Variants in PAQR5 observed in about 807,000 individuals in gnomAD.
The protein encoded by PAQR5 is membrane progestin receptor gamma.
Under a neutral mutation model 34.5 loss-of-function variants are expected in PAQR5, and 20 were observed. The ratio of observed to expected loss-of-function variants is 0.58; its 90% CI spans 0.41 to 0.84. The LOEUF is 0.84. PAQR5 is among the 40% of genes least tolerant of loss of function. The pLI is 0.00. For synonymous variants in PAQR5, 131 were observed against 155.6 expected (o/e 0.84, Z 1.18); for missense variants, 378 against 412.7 (o/e 0.92, Z 0.73).
intron 1 of PAQR5, among the ~76,000 whole-genome samples, chr15:69,328,810 C>A (rs991468552): frequency 1.3e-5 from 2 of 152,212 alleles, no homozygotes; most frequent in African/African-American, 2.4e-5. Flanking sequence ...GGCTGGTTGC[C>A]TTGGGTGCGG....
intron 6 of PAQR5, among the ~76,000 whole-genome samples, chr15:69,395,201 T>C (rs2056385587): frequency 6.6e-6 from 1 of 152,122 alleles, no homozygotes. Flanking sequence ...GTGAGGCAGA[T>C]ACCTGGCTCT....
intron 3 of PAQR5, among the ~76,000 whole-genome samples, chr15:69,364,462 ATATATAT>A (rs1212578052): frequency 2.0e-5 from 3 of 147,862 alleles, no homozygotes; most frequent in African/African-American, 4.9e-5. Context: ...TATACATGTA[ATATATAT>A]TATATATGTA....
At chr15:69,307,169 G>T (rs909182769) in intron 1 of PAQR5, among the ~76,000 whole-genome samples, 1 of 150,854 alleles carries the variant, frequency 6.6e-6, no homozygotes, top group African/African-American at 2.4e-5. Flanking sequence ...ATCTCGGCTT[G>T]TTGCACCCTC....
At chr15:69,316,508 TATTGTGAA>T (rs1446317898) in intron 1 of PAQR5, among the ~76,000 whole-genome samples, 1 of 152,222 alleles carries the variant, frequency 6.6e-6, no homozygotes, top group African/African-American at 2.4e-5. Context: ...TGCATTCAAA[TATTGTGAA>T]ATGTGTTACT....
chr15:69,357,385 T>C (rs1313463630), intron 2 of PAQR5, among the ~76,000 whole-genome samples: 5 of 152,148 alleles, frequency 3.3e-5, no homozygotes, highest in Non-Finnish European at 7.3e-5. Context: ...TGCCTCAGCC[T>C]CCCTGGTAGT....
intron 1 of PAQR5, among the ~76,000 whole-genome samples, chr15:69,330,813 C>G (rs559878741): frequency 5.9e-5 from 9 of 152,288 alleles, no homozygotes; most frequent in Admixed American, 3.9e-4. Flanking sequence ...ATTGCAATTC[C>G]CCTGTCTTGA....
Position 69,405,495 on chromosome 15 carries a change from T to C in PAQR5, c.*1673T>C, listed in dbSNP as rs1416834050. 2.6e-5 allele frequency: 4 copies of C among 152,398 alleles called. No individual in the cohort carries two copies. Among genetic ancestry groups the C allele is most frequent in the African/African-American group, 9.6e-5 (4 of 41,464 alleles). The allele number at this position is 152,398 out of a possible 1,614,324, so 9.4% of individuals were successfully genotyped here. ...TATGGGCTGGTAAATTTTTGGTACATTAATTGCAAGCTGCATGACAAAATT... is the reference window on the plus strand; with the variant it reads ...TATGGGCTGGTAAATTTTTGGTACACTAATTGCAAGCTGCATGACAAAATT... On this transcript the variant is annotated 3_prime_UTR_variant, in exon 9 of 9. Transcript: ENST00000395407.
intron 1 of PAQR5, among the ~76,000 whole-genome samples, chr15:69,321,710 C>A (rs1385701333): frequency 6.6e-6 from 1 of 152,202 alleles, no homozygotes; most frequent in Non-Finnish European, 1.5e-5. Context: ...AGCGTGGCAA[C>A]CACCAGGTAG....
intron 1 of PAQR5, among the ~76,000 whole-genome samples, chr15:69,300,948 C>CTTCCTTTCT (rs2053583339): frequency 2.8e-4 from 1 of 3,626 alleles, no homozygotes; most frequent in African/African-American, 4.5e-4. Context: ...TCTTTCTTTC[C>CTTCCTTTCT]TTCTTTCTTT....
rs1000691649 is a variant in PAQR5 at position 69,385,748 on chromosome 15, T to C, written c.385+866T>C. On this transcript the variant is annotated intron_variant, in intron 5 of 8. Coordinates refer to ENST00000395407, the MANE Select transcript of PAQR5 (RefSeq NM_017705.4). The surrounding 1 kb of genome is among the most constrained non-coding windows in gnomAD (Gnocchi z 4.7). The stretch of plus-strand genomic sequence containing the variant: ...TTTCTTCATATACACACGTTCACAC[T>C]CACACAAACACACACTCATGCACTG... Among the ~76,000 whole-genome samples, 1 of 151,852 alleles carries C rather than the reference T, an allele frequency of 6.6e-6. No homozygotes were observed. Among genetic ancestry groups the C allele is most frequent in the East Asian group, 1.9e-4 (1 of 5,184 alleles).
intron 2 of PAQR5, among the ~76,000 whole-genome samples, chr15:69,353,369 C>T (rs1604896): frequency 0.81 from 122,819 of 152,192 alleles, 52,446 homozygotes; most frequent in Non-Finnish European, 0.96. Context: ...CATCCATGGA[C>T]TCATAGAATG....
At chr15:69,387,333 C>T (rs2056140684) in intron 5 of PAQR5, among the ~76,000 whole-genome samples, 1 of 152,230 alleles carries the variant, frequency 6.6e-6, no homozygotes, top group Non-Finnish European at 1.5e-5. Flanking sequence ...GGGGCCACAC[C>T]ACACCATGTT....
intron 3 of PAQR5, among the ~76,000 whole-genome samples, chr15:69,364,479 A>ATATATATACATTATATATGTT (rs1595897437): frequency 3.8e-5 from 5 of 132,118 alleles, no homozygotes; most frequent in African/African-American, 1.3e-4. Context: ...TTATATATGT[A>ATATATATACATTATATATGTT]ATATATATAC....
intron 6 of PAQR5, chr15:69,391,482 A>G: frequency 3.8e-6 from 1 of 260,474 alleles, no homozygotes; most frequent in Non-Finnish European, 7.7e-6. Context: ...CCGTGGATGA[A>G]GGGAGGTATA....
At chr15:69,325,150 C>T (rs1032864344) in intron 1 of PAQR5, among the ~76,000 whole-genome samples, 3 of 152,198 alleles carry the variant, frequency 2.0e-5, no homozygotes, top group Admixed American at 1.3e-4. Context: ...CCACCCAGCT[C>T]AGCCTCCCAG....
intron 6 of PAQR5, among the ~76,000 whole-genome samples, chr15:69,394,095 T>C (rs1290233213): frequency 6.6e-6 from 1 of 151,602 alleles, no homozygotes. Context: ...CATCCAACCA[T>C]TGATTGTTTT....
intron 1 of PAQR5, among the ~76,000 whole-genome samples, chr15:69,328,775 A>G (rs2054310827): frequency 6.6e-6 from 1 of 152,060 alleles, no homozygotes; most frequent in African/African-American, 2.4e-5. Flanking sequence ...TGCAGATGAG[A>G]TCCAGGCCCA....
At chr15:69,352,364 T>C (rs553580572) in intron 2 of PAQR5, among the ~76,000 whole-genome samples, 3 of 152,196 alleles carry the variant, frequency 2.0e-5, no homozygotes, top group Non-Finnish European at 2.9e-5. Flanking sequence ...AGCCATAAAG[T>C]TGGGCATGCA....
intron 1 of PAQR5, among the ~76,000 whole-genome samples, chr15:69,303,173 G>A (rs1446108289): frequency 6.6e-6 from 1 of 152,144 alleles, no homozygotes; most frequent in Non-Finnish European, 1.5e-5. Context: ...ATACAGATGG[G>A]GAGACTGAGA....
Sources: gnomAD v4.1 joint callset for allele counts (sites outside exome capture counted in the v4.1 genomes callset) on GRCh38, gnomAD v4.1.1 for gene constraint, Gnocchi (gnomAD v3.1) non-coding constraint, MANE v1.5 for transcripts, NCBI Gene and HGNC (gene_info 2026-07-23, HGNC 2026-07-21) for gene names.